Variants in CCSER1 observed in about 807,000 individuals in gnomAD.
CCSER1 encodes the protein serine-rich coiled-coil domain-containing protein 1.
CCSER1 carries 41 observed loss-of-function variants against 82.0 expected under a neutral mutation model. The observed-to-expected ratio is 0.50, with a 90% CI of 0.39 to 0.65. CCSER1 has a LOEUF of 0.65. CCSER1 is among the 30% of genes least tolerant of loss of function. CCSER1 has a pLI of 0.00. For missense variants in CCSER1, 1,119 were observed against 1,064.2 expected (o/e 1.05, Z -0.72); for synonymous variants, 414 against 383.9 (o/e 1.08, Z -0.92).
At chr4:90,590,973 T>A (rs1342321469) in intron 5 of CCSER1, among the ~76,000 whole-genome samples, 1 of 152,208 alleles carries the variant, frequency 6.6e-6, no homozygotes, top group Non-Finnish European at 1.5e-5. Context: ...TCTTATTTCT[T>A]TGAACAATAG....
intron 5 of CCSER1, among the ~76,000 whole-genome samples, chr4:90,482,008 T>C (rs535561112): frequency 6.6e-6 from 1 of 152,314 alleles, no homozygotes; most frequent in East Asian, 1.9e-4. Context: ...TCCTGGACTT[T>C]TTTTGGTTGG....
intron 10 of CCSER1, among the ~76,000 whole-genome samples, chr4:91,508,076 T>TC (rs1445616436): frequency 6.7e-6 from 1 of 149,462 alleles, no homozygotes; most frequent in Admixed American, 6.7e-5. Flanking sequence ...CCTTTTTTTT[T>TC]CTTGCCCAAG....
chr4:90,140,881 G>A (rs1228767695), intron 1 of CCSER1, among the ~76,000 whole-genome samples: 3 of 151,548 alleles, frequency 2.0e-5, no homozygotes, highest in Non-Finnish European at 4.4e-5. Context: ...TGGCCAGGAT[G>A]GTCTCGATCT....
intron 8 of CCSER1, among the ~76,000 whole-genome samples, chr4:90,882,626 T>A (rs1721507308): frequency 6.6e-6 from 1 of 152,074 alleles, no homozygotes; most frequent in African/African-American, 2.4e-5. Flanking sequence ...AATACTTTTA[T>A]AACTGAGCTC....
intron 9 of CCSER1, among the ~76,000 whole-genome samples, chr4:90,958,406 C>T (rs1484493170): frequency 6.6e-6 from 1 of 152,164 alleles, no homozygotes; most frequent in East Asian, 1.9e-4. Context: ...GGCTATATCC[C>T]TTGTGGTCTC....
chr4:91,375,224 G>A (rs977707799), intron 10 of CCSER1, among the ~76,000 whole-genome samples: 3 of 152,150 alleles, frequency 2.0e-5, no homozygotes, highest in Admixed American at 6.5e-5. Context: ...AAAAGTTCAG[G>A]GGAGGAAGTA....
intron 10 of CCSER1, among the ~76,000 whole-genome samples, chr4:91,320,658 A>C (rs1746134012): frequency 6.6e-6 from 1 of 152,032 alleles, no homozygotes; most frequent in South Asian, 2.1e-4. Flanking sequence ...TTAATATTTA[A>C]ATGCACTGTA....
At chr4:90,660,149 C>G (rs896996008) in intron 6 of CCSER1, among the ~76,000 whole-genome samples, 2 of 152,018 alleles carry the variant, frequency 1.3e-5, no homozygotes, top group African/African-American at 2.4e-5. Context: ...AAGTATATAA[C>G]TACCATTTGA....
chr4:90,634,829 A>G (rs1725127157), intron 6 of CCSER1, among the ~76,000 whole-genome samples: 1 of 151,818 alleles, frequency 6.6e-6, no homozygotes, highest in Admixed American at 6.6e-5. Context: ...TACCTTCTTT[A>G]TGTTTATTTA....
In CCSER1 at chr4:90,301,629, A is replaced by T. The variant is rs537830822; in HGVS notation, c.-41-6615A>T. 1.5e-3 allele frequency among the ~76,000 whole-genome samples: 235 copies of T among 152,250 alleles called. 1 individual carries two copies. Among genetic ancestry groups the T allele is most frequent in the African/African-American group, 5.1e-3 (214 of 41,566 alleles). On this transcript the variant is annotated intron_variant, in intron 1 of 10. Coordinates refer to ENST00000509176, the MANE Select transcript of CCSER1 (RefSeq NM_001145065.2). ...GTTTTTTCAAAATAAAATAACGTTT[A>T]TGGTAATAAAGACCCCTAGATAATG...
At chr4:90,495,961 A>G (rs1278142029) in intron 5 of CCSER1, among the ~76,000 whole-genome samples, 1 of 152,224 alleles carries the variant, frequency 6.6e-6, no homozygotes, top group African/African-American at 2.4e-5. Context: ...TATTTAGCTC[A>G]GGAAAAGCAT....
chr4:90,903,425 T>C (rs1724967911), intron 8 of CCSER1, among the ~76,000 whole-genome samples: 1 of 152,066 alleles, frequency 6.6e-6, no homozygotes, highest in Non-Finnish European at 1.5e-5. Flanking sequence ...GATCTGTAAG[T>C]CCAATTGAAC....
At chr4:91,027,368 T>TC (rs1313639804) in intron 9 of CCSER1, among the ~76,000 whole-genome samples, 3 of 151,524 alleles carry the variant, frequency 2.0e-5, no homozygotes, top group Non-Finnish European at 4.4e-5. Context: ...TTAATTGGGT[T>TC]TTTTTTTACT....
intron 9 of CCSER1, among the ~76,000 whole-genome samples, chr4:91,016,908 T>A (rs1739477799): frequency 6.6e-6 from 1 of 152,010 alleles, no homozygotes; most frequent in African/African-American, 2.4e-5. Context: ...AAAGTGGGAA[T>A]AAGGGGAGGA....
At chr4:91,503,909 C>T (rs952788079) in intron 10 of CCSER1, among the ~76,000 whole-genome samples, 8 of 152,010 alleles carry the variant, frequency 5.3e-5, no homozygotes, top group Admixed American at 3.3e-4. Flanking sequence ...TTGTCATTGG[C>T]GGGGTATAAT....
chr4:90,378,960 C>A (rs1748789017), intron 3 of CCSER1, among the ~76,000 whole-genome samples: 1 of 152,226 alleles, frequency 6.6e-6, no homozygotes, highest in Non-Finnish European at 1.5e-5. Flanking sequence ...CACACATCTA[C>A]CTAGTCTCTT....
chr4:90,249,392 G>T (rs1430169227), intron 1 of CCSER1, among the ~76,000 whole-genome samples: 1 of 152,104 alleles, frequency 6.6e-6, no homozygotes, highest in Non-Finnish European at 1.5e-5. Flanking sequence ...ACAGTTCAAT[G>T]ATTTTTTAGT....
intron 5 of CCSER1, among the ~76,000 whole-genome samples, chr4:90,537,910 T>C (rs1332709948): frequency 6.6e-6 from 1 of 152,194 alleles, no homozygotes; most frequent in Non-Finnish European, 1.5e-5. Flanking sequence ...TCCAGTAGCC[T>C]GTACTTCTCT....
intron 8 of CCSER1, among the ~76,000 whole-genome samples, chr4:90,922,498 A>C (rs1183198230): frequency 6.6e-6 from 1 of 152,114 alleles, no homozygotes; most frequent in East Asian, 1.9e-4. Flanking sequence ...AAAATGATAG[A>C]CATTCTGCTT....
Sources: gnomAD v4.1 joint callset for allele counts (sites outside exome capture counted in the v4.1 genomes callset) on GRCh38, gnomAD v4.1.1 for gene constraint, MANE v1.5 for transcripts, NCBI Gene and HGNC (gene_info 2026-07-23, HGNC 2026-07-21) for gene names.